TEX11: variants seen among roughly 807,000 people sequenced by gnomAD.
TEX11 encodes testis-expressed protein 11.
Under a neutral mutation model 84.4 loss-of-function variants are expected in TEX11, and 7 were observed. The observed-to-expected ratio is 0.08, with a 90% CI of 0.05 to 0.16. The LOEUF is 0.16. TEX11 is among the 10% of genes least tolerant of loss of function. TEX11 has a pLI of 1.00. For synonymous variants in TEX11, 264 were observed against 222.8 expected (o/e 1.18, Z -1.64); for missense variants, 551 against 660.5 (o/e 0.83, Z 1.82).
intron 8 of TEX11, among the ~76,000 whole-genome samples, chrX:70,821,277 A>G (rs1489299698): frequency 3.6e-5 from 4 of 112,008 alleles, no homozygotes; most frequent in African/African-American, 1.3e-4. Context: ...GGTGTATGAA[A>G]AAGTGTTGAA....
chrX:70,641,111 T>C (rs2089651419), intron 17 of TEX11, among the ~76,000 whole-genome samples: 1 of 111,106 alleles, frequency 9.0e-6, no homozygotes. Flanking sequence ...AGGCAGGGGT[T>C]GCAATCCTAT....
chrX:70,730,745 A>G (rs1289234932), intron 11 of TEX11, among the ~76,000 whole-genome samples: 1 of 111,434 alleles, frequency 9.0e-6, no homozygotes, highest in Non-Finnish European at 1.9e-5. Flanking sequence ...ACAGATCAAC[A>G]CGACAGAAAG....
chrX:70,657,777 T>G (rs1259554774), intron 16 of TEX11, among the ~76,000 whole-genome samples: 54 of 107,776 alleles, frequency 5.0e-4, no homozygotes, highest in African/African-American at 1.3e-3. Flanking sequence ...CCTTTGTAGG[T>G]ACATGGATGA....
chrX:70,898,273 A>G (rs2091784159), intron 2 of TEX11, among the ~76,000 whole-genome samples: 1 of 112,216 alleles, frequency 8.9e-6, no homozygotes, highest in Non-Finnish European at 1.9e-5. Flanking sequence ...TGAGTGGAAG[A>G]CGCTACAGCA....
chrX:70,734,096 T>C (rs1367817529), intron 11 of TEX11, among the ~76,000 whole-genome samples: 1 of 110,010 alleles, frequency 9.1e-6, no homozygotes, highest in Non-Finnish European at 1.9e-5. Flanking sequence ...TAGGTGGGAA[T>C]TGAACAATGA....
At chrX:70,766,218 C>T (rs1376774688) in intron 9 of TEX11, among the ~76,000 whole-genome samples, 1 of 110,978 alleles carries the variant, frequency 9.0e-6, no homozygotes, top group East Asian at 2.8e-4. Context: ...TCCAGAACAA[C>T]CTGGCCAACA....
intron 4 of TEX11, among the ~76,000 whole-genome samples, chrX:70,872,353 C>G (rs1325941638): frequency 9.0e-6 from 1 of 111,236 alleles, no homozygotes; most frequent in African/African-American, 3.3e-5. Context: ...GCACAATTAC[C>G]CTATATCTAC....
At chrX:70,871,072 C>T (rs1445128106) in intron 4 of TEX11, among the ~76,000 whole-genome samples, 1 of 111,916 alleles carries the variant, frequency 8.9e-6, no homozygotes, top group Non-Finnish European at 1.9e-5. Flanking sequence ...ACCACCATGC[C>T]CGACTAATTT....
intron 25 of TEX11, among the ~76,000 whole-genome samples, chrX:70,582,845 A>G (rs1319304539): frequency 9.3e-6 from 1 of 108,089 alleles, no homozygotes; most frequent in African/African-American, 3.4e-5. Context: ...TCCCAGGTTC[A>G]AGCAATTCTC....
At chrX:70,608,114 A>G (rs1014130490) in intron 22 of TEX11, among the ~76,000 whole-genome samples, 3 of 111,886 alleles carry the variant, frequency 2.7e-5, no homozygotes, top group African/African-American at 9.8e-5. Flanking sequence ...GCCATTATAA[A>G]GTATATTACA....
intron 9 of TEX11, among the ~76,000 whole-genome samples, chrX:70,790,112 G>A (rs184303537): frequency 8.9e-6 from 1 of 111,850 alleles, no homozygotes; most frequent in Non-Finnish European, 1.9e-5. Flanking sequence ...GTAGAATGGT[G>A]GTTACAGAGA....
intron 17 of TEX11, among the ~76,000 whole-genome samples, chrX:70,630,364 T>A (rs2089497882): frequency 9.3e-6 from 1 of 108,101 alleles, no homozygotes; most frequent in Non-Finnish European, 1.9e-5. Flanking sequence ...AATTCCATCA[T>A]AATTAATGGG....
chrX:70,862,021 C>T (rs2091573155), intron 4 of TEX11, among the ~76,000 whole-genome samples: 1 of 109,716 alleles, frequency 9.1e-6, no homozygotes, highest in Non-Finnish European at 1.9e-5. Flanking sequence ...GGGTCTCGCT[C>T]TGTCACTCAC....
chrX:70,850,631 C>T (rs2091503031), intron 7 of TEX11, among the ~76,000 whole-genome samples: 1 of 109,802 alleles, frequency 9.1e-6, no homozygotes, highest in Non-Finnish European at 1.9e-5. Flanking sequence ...GGCATACACC[C>T]ATAGTCTTAC....
chrX:70,748,039 G>A (rs1265348860), intron 9 of TEX11, among the ~76,000 whole-genome samples: 1 of 109,782 alleles, frequency 9.1e-6, no homozygotes, highest in African/African-American at 3.3e-5. Flanking sequence ...ACAAATCTGA[G>A]GAACAAACAG....
At chrX:70,652,897 T>C (rs2089825616) in intron 16 of TEX11, among the ~76,000 whole-genome samples, 1 of 109,665 alleles carries the variant, frequency 9.1e-6, no homozygotes, top group East Asian at 2.8e-4. Context: ...TTAGAAGCAG[T>C]AAATAATTTT....
chrX:70,892,533 G>A (rs2091743755), intron 2 of TEX11, among the ~76,000 whole-genome samples: 2 of 111,097 alleles, frequency 1.8e-5, no homozygotes, highest in African/African-American at 6.5e-5. Context: ...AGGAGTTCAA[G>A]ACCAGCTGGG....
intron 11 of TEX11, among the ~76,000 whole-genome samples, chrX:70,728,238 A>C (rs1397634894): frequency 8.9e-6 from 1 of 112,432 alleles, no homozygotes; most frequent in Non-Finnish European, 1.9e-5. Context: ...CAGTGTGAGC[A>C]ACACAGAAGA....
At chrX:70,705,138 C>T (rs1399712290) in intron 13 of TEX11, among the ~76,000 whole-genome samples, 1 of 111,348 alleles carries the variant, frequency 9.0e-6, no homozygotes, top group Non-Finnish European at 1.9e-5. Flanking sequence ...GGCCTCTGTT[C>T]TGTTCCATTG....
Sources: gnomAD v4.1 joint callset for allele counts (sites outside exome capture counted in the v4.1 genomes callset) on GRCh38, gnomAD v4.1.1 for gene constraint, MANE v1.5 for transcripts, NCBI Gene and HGNC (gene_info 2026-07-23, HGNC 2026-07-21) for gene names.